NDC80: variants seen among roughly 807,000 people sequenced by gnomAD.
NDC80 encodes the protein kinetochore protein NDC80 homolog.
Under a neutral mutation model 89.3 loss-of-function variants are expected in NDC80, and 69 were observed. The ratio of observed to expected loss-of-function variants is 0.77; its 90% CI spans 0.64 to 0.94. The LOEUF (loss-of-function observed/expected upper bound fraction) is 0.94, where lower values mean the gene tolerates loss of function less well. NDC80 is among the 40% of genes least tolerant of loss of function. NDC80 has a pLI of 0.00. For synonymous variants in NDC80, 243 were observed against 255.6 expected, an observed-to-expected ratio of 0.95 and a Z score of 0.47; for missense variants, 593 against 739.6, an observed-to-expected ratio of 0.80 and a Z score of 2.30.
At position 2,611,680 on chromosome 18, in the gene NDC80, C is replaced by G. The variant is rs76370041; in HGVS notation, c.1791+819C>G. Among the ~76,000 whole-genome samples, 563 of 151,994 alleles carry G rather than the reference C, an allele frequency of 3.7e-3. 5 individuals carry two copies. The highest frequency in any genetic ancestry group is 0.013 in the African/African-American group (548 of 41,436). On this transcript the variant is annotated intron_variant, in intron 16 of 16. Coordinates refer to ENST00000261597, the MANE Select transcript of NDC80 (RefSeq NM_006101.3). ...ATCCCTCCAACCTGCTGCACAGAGCCCCAGAAGCTAAGATAAATTGCTGAA... is the reference window on the plus strand; with the variant it reads ...ATCCCTCCAACCTGCTGCACAGAGCGCCAGAAGCTAAGATAAATTGCTGAA...
intron 10 of NDC80, chr18:2,593,924 C>CCAAGACA (rs201178362): frequency 1.9e-5 from 4 of 212,366 alleles, no homozygotes; most frequent in Non-Finnish European, 2.8e-5. Flanking sequence ...TTTTATTTTC[C>CCAAGACA]GGGAGTCTCA....
At chr18:2,596,018 TC>T (rs1186372727) in intron 11 of NDC80, among the ~76,000 whole-genome samples, 1 of 152,160 alleles carries the variant, frequency 6.6e-6, no homozygotes, top group African/African-American at 2.4e-5. Context: ...ACATTGGCTT[TC>T]CCCTCAAAAA....
chr18:2,602,190 A>T (rs1057114038), intron 13 of NDC80, among the ~76,000 whole-genome samples: 62 of 152,136 alleles, frequency 4.1e-4, no homozygotes, highest in East Asian at 1.9e-4. Context: ...TATAAAATGA[A>T]ATTTTATGTT....
chr18:2,579,454 G>A (rs535112496), intron 6 of NDC80, among the ~76,000 whole-genome samples: 2 of 152,228 alleles, frequency 1.3e-5, no homozygotes, highest in Admixed American at 6.5e-5. Context: ...TTGAGAGGGA[G>A]TCTCGCTGTG....
intron 8 of NDC80, among the ~76,000 whole-genome samples, chr18:2,588,293 T>C (rs558406194): frequency 1.3e-4 from 20 of 152,336 alleles, no homozygotes; most frequent in African/African-American, 4.6e-4. Flanking sequence ...ATCCCTACGT[T>C]GTCCTTGCTT....
intron 5 of NDC80, among the ~76,000 whole-genome samples, chr18:2,578,369 A>T (rs2072558770): frequency 6.6e-6 from 1 of 152,224 alleles, no homozygotes; most frequent in South Asian, 2.1e-4. Context: ...TTAGTAACTG[A>T]TCAAGTTTGA....
At chr18:2,599,313 G>T in intron 12 of NDC80, 142 bp downstream of exon 12, 1 of 671,316 alleles carries the variant, frequency 1.5e-6, no homozygotes, top group Non-Finnish European at 2.2e-6. Context: ...CTCGGTCATA[G>T]AAATCTTCTA....
At chr18:2,612,952 T>G (rs114135076) in intron 16 of NDC80, among the ~76,000 whole-genome samples, 2,358 of 152,344 alleles carry the variant, frequency 0.015, 62 homozygotes, top group African/African-American at 0.054. Flanking sequence ...ATGAGGAAAC[T>G]TTACAATGAG....
At chr18:2,600,296 T>C (rs2072677787) in intron 12 of NDC80, among the ~76,000 whole-genome samples, 1 of 152,212 alleles carries the variant, frequency 6.6e-6, no homozygotes, top group Admixed American at 6.5e-5. Context: ...TTATAAGTAG[T>C]ACTTGGTGAA....
At chr18:2,578,220 T>C (rs1193740124) in intron 5 of NDC80, 79 bp downstream of exon 5, 4 of 1,374,088 alleles carry the variant, frequency 2.9e-6, no homozygotes, top group Non-Finnish European at 4.0e-6. Flanking sequence ...GTAAAAAGTT[T>C]GAGTTACAGA....
chr18:2,578,047 A>T lies in NDC80; in HGVS notation c.382A>T (p.Ile128Phe), dbSNP rs367674640. The change falls in exon 5 of 17, where the codon ATC becomes TTC. Residue 128 changes from isoleucine to phenylalanine, a missense_variant. Physicochemically the swap from Ile to Phe is conservative, Grantham distance 21 (BLOSUM62 0). Coordinates refer to ENST00000261597, the MANE Select transcript of NDC80 (RefSeq NM_006101.3). ...QAPSVKDFLK[I>F]FTFLYGFLCP... ...TCCCTCTGTTAAAGACTTCCTGAAG[A>T]TCTTCACATTTCTTTATGGCTTCCT... The T allele has an allele frequency of 5.6e-5, 91 of 1,613,994 alleles. No homozygotes were observed. The highest frequency in any genetic ancestry group is 7.4e-5 in the Non-Finnish European group (87 of 1,180,000).
At chr18:2,608,566 A>G (rs1371214252) in intron 14 of NDC80, 134 bp from the exon 15 acceptor site, 5 of 938,410 alleles carry the variant, frequency 5.3e-6, no homozygotes, top group Non-Finnish European at 7.5e-6. Context: ...TGCATGTAAA[A>G]CAGTAAGCAT....
At chr18:2,590,716 T>C (rs1043074512) in intron 10 of NDC80, among the ~76,000 whole-genome samples, 2 of 152,218 alleles carry the variant, frequency 1.3e-5, no homozygotes, top group African/African-American at 4.8e-5. Flanking sequence ...TTTCCAGAGA[T>C]AGAACTTTAT....
At chr18:2,614,614 AAAGAAAG>A (rs1174730681) in intron 16 of NDC80, among the ~76,000 whole-genome samples, 2 of 18,602 alleles carry the variant, frequency 1.1e-4, no homozygotes, top group Non-Finnish European at 2.7e-4. Flanking sequence ...AGAAAGAAAG[AAAGAAAG>A]AAAGAAAGAA....
intron 13 of NDC80, among the ~76,000 whole-genome samples, chr18:2,603,949 G>A (rs2072697612): frequency 1.3e-5 from 2 of 152,118 alleles, no homozygotes; most frequent in Non-Finnish European, 2.9e-5. Context: ...GCTAATGTAG[G>A]CCTCATACCA....
At chr18:2,583,427 G>A (rs780710250) in intron 6 of NDC80, among the ~76,000 whole-genome samples, 7 of 152,126 alleles carry the variant, frequency 4.6e-5, no homozygotes, top group Non-Finnish European at 8.8e-5. Context: ...TTGGCCGGGC[G>A]CAGTAGCTCA....
chr18:2,573,454 C>G (rs906247529), intron 2 of NDC80, among the ~76,000 whole-genome samples: 3 of 152,192 alleles, frequency 2.0e-5, no homozygotes, highest in Non-Finnish European at 4.4e-5. Context: ...AAGCTTCAAT[C>G]AAATCAGAGC....
intron 13 of NDC80, among the ~76,000 whole-genome samples, chr18:2,602,147 G>T (rs2072687215): frequency 6.6e-6 from 1 of 152,052 alleles, no homozygotes; most frequent in South Asian, 2.1e-4. Context: ...AGCTCTTCAG[G>T]AACTACTGTG....
Position 2,610,835 on chromosome 18 carries a change from G to C in NDC80, c.1765G>C (p.Val589Leu). The C allele has an allele frequency of 6.3e-7, 1 of 1,584,110 alleles. No homozygotes were observed. The highest frequency in any genetic ancestry group is 1.7e-5 in the Admixed American group (1 of 59,220). Residue 589 changes from valine (V) to leucine (L), a missense_variant, in exon 16 of 17, where the codon GTT (valine) becomes CTT (leucine). Physicochemically the swap from Val to Leu is conservative, Grantham distance 32. Coordinates refer to ENST00000261597, the MANE Select transcript of NDC80 (RefSeq NM_006101.3). ...GNNLQRLLEM[V>L]ATHVGSVEKH... Reference sequence around the variant, plus strand: ...TAACTTGCAACGTCTGTTAGAGATGGTTGCTACACATGTTGGGTCTGTAGA... The same window carrying C: ...TAACTTGCAACGTCTGTTAGAGATGCTTGCTACACATGTTGGGTCTGTAGA...
Sources: allele counts gnomAD v4.1 joint callset (sites outside exome capture counted in the v4.1 genomes callset), GRCh38; gene constraint gnomAD v4.1.1; transcripts MANE v1.5; gene names NCBI Gene and HGNC (gene_info 2026-07-23, HGNC 2026-07-21).